The following TNFAIP8 variants were observed in gnomAD, a reference collection of about 807,000 sequenced individuals.
TNFAIP8 encodes the protein tumor necrosis factor alpha-induced protein 8.
TNFAIP8 carries 7 observed loss-of-function variants against 13.3 expected under a neutral mutation model. That is an observed-to-expected ratio of 0.52 (90% confidence interval 0.30 to 0.99). TNFAIP8 has a LOEUF of 0.99. TNFAIP8 is among the 50% of genes least tolerant of loss of function. The probability of loss-of-function intolerance (pLI) is 0.07; values close to 1 mark genes in which losing one functional copy is unlikely to be tolerated. For missense variants in TNFAIP8, 258 were observed against 236.9 expected (o/e 1.09, Z -0.58); for synonymous variants, 94 against 87.6 (o/e 1.07, Z -0.41).
chr5:119,268,808 C>T (rs185436301), exon 1 of TNFAIP8: 14 of 697,770 alleles, frequency 2.0e-5, no homozygotes, highest in African/African-American at 3.6e-5. Flanking sequence ...GGCTAAGGTC[C>T]GCGGGAACCC....
At chr5:119,324,706 T>C (rs1038488433) in intron 1 of TNFAIP8, among the ~76,000 whole-genome samples, 4 of 152,036 alleles carry the variant, frequency 2.6e-5, no homozygotes, top group African/African-American at 9.7e-5. Flanking sequence ...GTTTGTGTAG[T>C]GTATTTATCA....
intron 1 of TNFAIP8, among the ~76,000 whole-genome samples, chr5:119,315,455 C>T (rs997041929): frequency 6.7e-6 from 1 of 149,058 alleles, no homozygotes; most frequent in African/African-American, 2.6e-5. Flanking sequence ...ATGTGTGTGT[C>T]TCCTTACTTT....
chr5:119,318,400 C>T (rs1749959828), intron 1 of TNFAIP8, among the ~76,000 whole-genome samples: 1 of 152,130 alleles, frequency 6.6e-6, no homozygotes, highest in Non-Finnish European at 1.5e-5. Context: ...GCAATCCTCC[C>T]ACGTCAGCTT....
At chr5:119,357,875 T>C (rs983912743) in intron 1 of TNFAIP8, among the ~76,000 whole-genome samples, 2 of 152,064 alleles carry the variant, frequency 1.3e-5, no homozygotes, top group African/African-American at 2.4e-5. Context: ...TTGAGGGAGA[T>C]TGAACACTTT....
intron 1 of TNFAIP8, among the ~76,000 whole-genome samples, chr5:119,379,262 A>G (rs1215417949): frequency 3.3e-5 from 5 of 152,132 alleles, no homozygotes; most frequent in Non-Finnish European, 7.3e-5. Context: ...AGTGCACCCC[A>G]TGCTAGCTGG....
intron 1 of TNFAIP8, among the ~76,000 whole-genome samples, chr5:119,300,058 T>A (rs953619477): frequency 2.6e-5 from 4 of 152,254 alleles, no homozygotes; most frequent in Admixed American, 1.3e-4. Flanking sequence ...CCCCTTGTGC[T>A]TCCCGAGTGA....
rs144241162 is a variant in TNFAIP8 at position 119,292,818 on chromosome 5, G to T, written c.1+23911G>T. Among the ~76,000 whole-genome samples the T allele has an allele frequency of 3.2e-3, 490 of 151,604 alleles. 2 individuals carry two copies. The highest frequency in any genetic ancestry group is 0.012 in the African/African-American group (478 of 41,388). On this transcript the variant is annotated intron_variant, in intron 1 of 1. Transcript: ENST00000274456. ...GATGCAAAAGGCTACATACTGTGTGGTTCTGTTCATGTGAAATGCCTGGAA... is the reference window on the plus strand; with the variant it reads ...GATGCAAAAGGCTACATACTGTGTGTTTCTGTTCATGTGAAATGCCTGGAA...
At chr5:119,320,706 C>T (rs541179167) in intron 1 of TNFAIP8, among the ~76,000 whole-genome samples, 54 of 152,034 alleles carry the variant, frequency 3.6e-4, no homozygotes, top group African/African-American at 1.2e-3. Flanking sequence ...TAACCACCCC[C>T]ACCCCCTCAC....
intron 1 of TNFAIP8, among the ~76,000 whole-genome samples, chr5:119,300,587 C>T (rs1483413198): frequency 6.6e-6 from 1 of 152,130 alleles, no homozygotes; most frequent in East Asian, 1.9e-4. Context: ...CTATGTACTT[C>T]TCTAAGGATC....
upstream of TNFAIP8, chr5:119,355,136 A>G: frequency 1.7e-6 from 1 of 587,976 alleles, no homozygotes. Flanking sequence ...CGGGGGCAGA[A>G]TTGAGATCTG....
intron 1 of TNFAIP8, among the ~76,000 whole-genome samples, chr5:119,305,966 G>T (rs1311442136): frequency 2.6e-5 from 4 of 152,212 alleles, no homozygotes; most frequent in African/African-American, 9.6e-5. Context: ...CCACCCTCCA[G>T]TGTTGCGTGT....
intron 1 of TNFAIP8, among the ~76,000 whole-genome samples, chr5:119,361,800 G>A (rs1285300204): frequency 6.6e-6 from 1 of 152,186 alleles, no homozygotes. Flanking sequence ...GGGACCAGGG[G>A]TGTCCCCAGA....
chr5:119,324,930 C>T (rs1397768116), intron 1 of TNFAIP8, among the ~76,000 whole-genome samples: 7 of 152,042 alleles, frequency 4.6e-5, no homozygotes, highest in African/African-American at 1.4e-4. Flanking sequence ...TCTGCAAGAT[C>T]GGTTTTAAAG....
At chr5:119,285,058 A>G (rs1748737409) in intron 1 of TNFAIP8, among the ~76,000 whole-genome samples, 1 of 152,108 alleles carries the variant, frequency 6.6e-6, no homozygotes, top group South Asian at 2.1e-4. Context: ...GAGGAATATC[A>G]TAGAGAAATT....
chr5:119,309,214 A>G (rs1164621586), intron 1 of TNFAIP8, among the ~76,000 whole-genome samples: 8 of 152,186 alleles, frequency 5.3e-5, no homozygotes, highest in African/African-American at 1.9e-4. Flanking sequence ...GACAAATAAT[A>G]ATTTTATTGT....
chr5:119,392,880 A>G lies in TNFAIP8; in HGVS notation c.96A>G (p.Lys32=). ...AVQAQKKILG[K]MVSKSIATTL... Reference sequence around the variant, plus strand: ...AGGCACAAAAGAAGATCTTGGGTAAAATGGTGTCCAAATCCATCGCCACCA... The same window carrying G: ...AGGCACAAAAGAAGATCTTGGGTAAGATGGTGTCCAAATCCATCGCCACCA... Residue 32 remains lysine, a synonymous_variant, in exon 2 of 2, where the codon AAA becomes AAG. Transcript: ENST00000504771. 1 of 1,577,698 alleles carries G rather than the reference A, an allele frequency of 6.3e-7. No homozygotes were observed. The highest frequency in any genetic ancestry group is 8.6e-7 in the Non-Finnish European group (1 of 1,161,582).
At chr5:119,292,096 C>T (rs186032132) in intron 1 of TNFAIP8, among the ~76,000 whole-genome samples, 5 of 152,204 alleles carry the variant, frequency 3.3e-5, no homozygotes, top group African/African-American at 9.6e-5. Flanking sequence ...ATGAGAGTTC[C>T]CCAGTTCCCC....
intron 1 of TNFAIP8, among the ~76,000 whole-genome samples, chr5:119,294,796 G>A (rs1007367557): frequency 2.6e-5 from 4 of 152,026 alleles, no homozygotes; most frequent in African/African-American, 7.2e-5. Flanking sequence ...GGCCAGTGAT[G>A]GTGAGCATTT....
chr5:119,284,961 C>T (rs903095700), intron 1 of TNFAIP8, among the ~76,000 whole-genome samples: 1 of 152,102 alleles, frequency 6.6e-6, no homozygotes, highest in Admixed American at 6.6e-5. Context: ...CTAAAAATAA[C>T]GTTTTTGAAT....
Sources: allele counts gnomAD v4.1 joint callset (sites outside exome capture counted in the v4.1 genomes callset), GRCh38; gene constraint gnomAD v4.1.1; transcripts MANE v1.5; gene names NCBI Gene and HGNC (gene_info 2026-07-23, HGNC 2026-07-21).